The following MAP2K5 variants were observed in gnomAD, a reference collection of about 807,000 sequenced individuals.
MAP2K5 encodes the protein mitogen-activated protein kinase kinase 5.
In MAP2K5, 49 loss-of-function variants were observed where a neutral mutation model predicts 83.1. The observed-to-expected ratio is 0.59, with a 90% CI of 0.47 to 0.75. The LOEUF is 0.75. MAP2K5 is among the 30% of genes least tolerant of loss of function. The pLI is 0.00. For missense variants in MAP2K5, 457 were observed against 557.5 expected, an observed-to-expected ratio of 0.82 and a Z score of 1.82; for synonymous variants, 202 against 191.8, an observed-to-expected ratio of 1.05 and a Z score of -0.44.
At chr15:67,571,075 A>G (rs934208316) in intron 3 of MAP2K5, among the ~76,000 whole-genome samples, 8 of 152,210 alleles carry the variant, frequency 5.3e-5, no homozygotes, top group African/African-American at 1.4e-4. Flanking sequence ...TACTATGTCT[A>G]TATCAGTTCC....
At chr15:67,784,092 A>G (rs1349042415) in intron 21 of MAP2K5, among the ~76,000 whole-genome samples, 1 of 152,252 alleles carries the variant, frequency 6.6e-6, no homozygotes, top group Non-Finnish European at 1.5e-5. Context: ...AAAACATTTT[A>G]AACACTTAAG....
chr15:67,772,233 G>C lies in MAP2K5; in HGVS notation c.1197-474G>C, dbSNP rs146905808. ...CTGTTTTATATACTTCTTGTCATTCGGAGTAACAGTGAAAGAATGAGATGT... is the reference window on the plus strand; with the variant it reads ...CTGTTTTATATACTTCTTGTCATTCCGAGTAACAGTGAAAGAATGAGATGT... On this transcript the variant is annotated intron_variant, in intron 20 of 21. Transcript: ENST00000178640. Among the ~76,000 whole-genome samples the C allele has an allele frequency of 1.3e-4, 19 of 151,976 alleles. No individual in the cohort carries two copies. The East Asian group carries it at 3.3e-3, about 26-fold the overall frequency.
rs935983484 is a variant in MAP2K5, at chr15:67,702,035, C to G, written c.973-1302C>G. 6.6e-6 allele frequency among the ~76,000 whole-genome samples: 1 copy of G among 152,174 alleles called. No individual in the cohort carries two copies. The highest frequency in any genetic ancestry group is 1.5e-5 in the Non-Finnish European group (1 of 68,030). ...ATTTGTAAACTGAGGGCAATAATAC[C>G]TACTTTTGCAAAATCATTATGAAGT... is the stretch of plus-strand genomic sequence containing the variant. On this transcript the variant is annotated intron_variant, in intron 15 of 21. Transcript: ENST00000178640. This position sits in a 1 kb window ranked among gnomAD's most constrained non-coding sequence, Gnocchi z 4.6.
chr15:67,604,732 T>C (rs78042031), intron 8 of MAP2K5, among the ~76,000 whole-genome samples: 18,380 of 151,796 alleles, frequency 0.12, 1,219 homozygotes, highest in East Asian at 0.2. Context: ...CCGACTCTAC[T>C]AAAAATATAA....
In MAP2K5 at chr15:67,729,998, G is replaced by A. The variant is rs548271234; in HGVS notation, c.1074+2053G>A. ...GGGGCGGGAAACAACTGTATTCCTT[G>A]AATCATGATAGAATGTTGTCACCAA... is the stretch of plus-strand genomic sequence containing the variant. On this transcript the variant is annotated intron_variant, in intron 17 of 21. Coordinates refer to ENST00000178640, the MANE Select transcript of MAP2K5 (RefSeq NM_145160.3). Among the ~76,000 whole-genome samples the A allele has an allele frequency of 8.1e-4, 123 of 152,320 alleles. 1 individual carries two copies. Among genetic ancestry groups the A allele is most frequent in the African/African-American group, 2.9e-3 (120 of 41,566 alleles).
chr15:67,713,860 C>T (rs1341180162), intron 16 of MAP2K5, among the ~76,000 whole-genome samples: 1 of 152,156 alleles, frequency 6.6e-6, no homozygotes, highest in Non-Finnish European at 1.5e-5. Flanking sequence ...GATTCAAGGG[C>T]TGTTATCCTA....
rs1314939526 is a variant in MAP2K5 at position 67,638,267 on chromosome 15, A to G, written c.585+7340A>G. On this transcript the variant is annotated intron_variant, in intron 9 of 21. Coordinates refer to ENST00000178640, the MANE Select transcript of MAP2K5 (RefSeq NM_145160.3). This position sits in a 1 kb window ranked among gnomAD's most constrained non-coding sequence, Gnocchi z 4.5. ...GCCACAGTGTGTGGTGTTTCCCTCT[A>G]TGTGTCCATGTGTTCTCATAAGTTA... Among the ~76,000 whole-genome samples the G allele has an allele frequency of 2.0e-5, 3 of 152,006 alleles. No homozygotes were observed. The East Asian group carries it at 5.8e-4, about 29-fold the overall frequency.
At chr15:67,762,824 C>A (rs2089974642) in intron 19 of MAP2K5, among the ~76,000 whole-genome samples, 2 of 152,012 alleles carry the variant, frequency 1.3e-5, no homozygotes, top group Non-Finnish European at 1.5e-5. Flanking sequence ...GCTGGTTCTC[C>A]TTGATTAAAG....
intron 3 of MAP2K5, among the ~76,000 whole-genome samples, chr15:67,566,590 A>T (rs1596566992): frequency 6.6e-6 from 1 of 152,200 alleles, no homozygotes; most frequent in African/African-American, 2.4e-5. Context: ...TAGTCCTTTA[A>T]TCATTCTTTT....
rs551340196 is a variant in MAP2K5 at position 67,547,659 on chromosome 15, G to A, written c.136-2375G>A. ...TTTAGTAGAGACAGGGTTTCACCAT[G>A]TTGGCCAGGCTGGTCTTGAACTCCT... On this transcript the variant is annotated intron_variant, in intron 1 of 21. Coordinates refer to ENST00000178640, the MANE Select transcript of MAP2K5 (RefSeq NM_145160.3). Among the ~76,000 whole-genome samples the A allele has an allele frequency of 6.6e-5, 10 of 152,174 alleles. No homozygotes were observed. In the East Asian group the frequency reaches 1.5e-3, roughly 24 times the overall value.
rs1031911309 is a variant in MAP2K5 at position 67,563,493 on chromosome 15, C to T, written c.252+143C>T. ...AATAGGTAAAGGTTTCAAGGATTTC[C>T]GTATGTGAAAGTTAAGGGCATTATT... On this transcript the variant is annotated intron_variant, in intron 3 of 21. Transcript: ENST00000178640. This position sits in a 1 kb window ranked among gnomAD's most constrained non-coding sequence, Gnocchi z 4.5. 3.9e-6 allele frequency: 4 copies of T among 1,038,566 alleles called. No individual in the cohort carries two copies. Among genetic ancestry groups the T allele is most frequent in the East Asian group, 2.6e-5 (1 of 38,432 alleles). 64.3% of individuals were successfully genotyped at this position (1,038,566 alleles called of 1,614,324 possible). A position where few individuals can be genotyped will look rare whatever the true frequency, so the allele number is the denominator to read the frequency against.
intron 15 of MAP2K5, among the ~76,000 whole-genome samples, chr15:67,696,982 A>C (rs2088280430): frequency 6.6e-6 from 1 of 152,202 alleles, no homozygotes; most frequent in African/African-American, 2.4e-5. Context: ...TCAGTCTCAA[A>C]AAGAAAAAAG....
rs368512067 is a variant in MAP2K5 at position 67,668,513 on chromosome 15, C to T, written c.847+3868C>T. On this transcript the variant is annotated intron_variant, in intron 13 of 21. Transcript: ENST00000178640. The surrounding 1 kb of genome is among the most constrained non-coding windows in gnomAD (Gnocchi z 4.0). ...GTGAGAAAATCTGTTAGGCCAGATC[C>T]GACATTACAGGAAACATCGCAGCTT... Among the ~76,000 whole-genome samples the T allele has an allele frequency of 2.0e-5, 3 of 152,044 alleles. No homozygotes were observed. The highest frequency in any genetic ancestry group is 2.1e-4 in the South Asian group (1 of 4,824).
At chr15:67,645,851 G>C (rs990264794) in intron 9 of MAP2K5, among the ~76,000 whole-genome samples, 1 of 151,960 alleles carries the variant, frequency 6.6e-6, no homozygotes, top group Non-Finnish European at 1.5e-5. Context: ...GCCACTGCAC[G>C]TAGCCAACAT....
chr15:67,629,019 G>A, intron 8 of MAP2K5: 1 of 756,430 alleles, frequency 1.3e-6, no homozygotes. Flanking sequence ...AAACTTTGGA[G>A]GCAGAAGCTC....
intron 15 of MAP2K5, among the ~76,000 whole-genome samples, chr15:67,699,282 C>T (rs994594517): frequency 1.3e-5 from 2 of 151,994 alleles, no homozygotes; most frequent in African/African-American, 4.8e-5. Context: ...TTGCCTGAAT[C>T]ACAGTCAGGC....
chr15:67,591,830 C>T (rs1468585766), intron 6 of MAP2K5, among the ~76,000 whole-genome samples: 2 of 151,690 alleles, frequency 1.3e-5, no homozygotes, highest in East Asian at 2.0e-4. Flanking sequence ...AGGACTTTCA[C>T]GCCAGGGGTG....
chr15:67,769,607 G>A lies in MAP2K5; in HGVS notation c.1140G>A (p.Ser380=), dbSNP rs752127319. The A allele has an allele frequency of 2.4e-5, 39 of 1,613,486 alleles. 1 individual carries two copies. In the South Asian group the frequency reaches 3.1e-4, roughly 13 times the overall value. The change falls in exon 20 of 22, where the codon TCG becomes TCA. Residue 380 remains serine, a synonymous_variant. Transcript: ENST00000178640. The surrounding 1 kb of genome is among the most constrained non-coding windows in gnomAD (Gnocchi z 5.2). The part of the protein sequence containing the change: ...QLLQCIVDED[S]PVLPVGEFSE... ...ATGTTTTTCCTCCATCACAGGATTC[G>A]CCCGTCCTTCCAGTTGGAGAGTTCT...
chr15:67,618,298 T>C (rs2086100772), intron 8 of MAP2K5, among the ~76,000 whole-genome samples: 1 of 152,068 alleles, frequency 6.6e-6, no homozygotes, highest in South Asian at 2.1e-4. Context: ...TTCTTTGGGG[T>C]CTGTTGTTAG....
Sources: allele counts gnomAD v4.1 joint callset (sites outside exome capture counted in the v4.1 genomes callset), GRCh38; gene constraint gnomAD v4.1.1; non-coding constraint Gnocchi (gnomAD v3.1); transcripts MANE v1.5; gene names NCBI Gene and HGNC (gene_info 2026-07-23, HGNC 2026-07-21).